The following NBEA variants were observed in gnomAD, a reference collection of about 807,000 sequenced individuals.
NBEA encodes the protein neurobeachin.
Under a neutral mutation model 343.4 loss-of-function variants are expected in NBEA, and 44 were observed. The observed-to-expected ratio is 0.13, with a 90% confidence interval of 0.10 to 0.16. The LOEUF (loss-of-function observed/expected upper bound fraction) is 0.16. Ranked by LOEUF, NBEA falls within the 10% of genes least tolerant of loss-of-function variation. The pLI is 1.00. For missense variants in NBEA, 2,555 were observed against 3,631.3 expected (o/e 0.70, Z 7.62); for synonymous variants, 1,175 against 1,238.7 (o/e 0.95, Z 1.08).
intron 37 of NBEA, among the ~76,000 whole-genome samples, chr13:35,351,900 A>T (rs796619086): frequency 5.3e-5 from 8 of 152,186 alleles, no homozygotes; most frequent in African/African-American, 1.9e-4. Flanking sequence ...TGAAAATTAG[A>T]TTCTCAGAAT....
chr13:35,104,259 T>A (rs1314149513), intron 11 of NBEA, among the ~76,000 whole-genome samples: 1 of 151,958 alleles, frequency 6.6e-6, no homozygotes, highest in Non-Finnish European at 1.5e-5. Flanking sequence ...CCGATCATTC[T>A]AAATAAATTA....
At chr13:35,421,619 GTTCT>G (rs2044276724) in intron 38 of NBEA, among the ~76,000 whole-genome samples, 2 of 152,062 alleles carry the variant, frequency 1.3e-5, no homozygotes, top group African/African-American at 4.8e-5. Flanking sequence ...TGCTTATTGT[GTTCT>G]TTCTTCCTAA....
chr13:35,190,501 A>G (rs1343713548), intron 30 of NBEA, among the ~76,000 whole-genome samples: 1 of 152,150 alleles, frequency 6.6e-6, no homozygotes, highest in Non-Finnish European at 1.5e-5. Context: ...AGGGTGGAAC[A>G]TTTATTGGTT....
chr13:35,182,961 A>C (rs1329302610), intron 29 of NBEA, among the ~76,000 whole-genome samples: 1 of 152,008 alleles, frequency 6.6e-6, no homozygotes, highest in Non-Finnish European at 1.5e-5. Flanking sequence ...TTAGCTGTAT[A>C]CAGTTAATTC....
intron 40 of NBEA, among the ~76,000 whole-genome samples, chr13:35,471,589 T>A (rs1431876148): frequency 6.6e-6 from 1 of 152,226 alleles, no homozygotes; most frequent in African/African-American, 2.4e-5. Flanking sequence ...TCATATTCCA[T>A]ACGCGTAATT....
intron 56 of NBEA, among the ~76,000 whole-genome samples, 192 bp downstream of exon 56, chr13:35,665,378 T>G (rs1411232122): frequency 6.6e-6 from 1 of 152,206 alleles, no homozygotes; most frequent in African/African-American, 2.4e-5. Context: ...TTTTATGTAG[T>G]ATTTTGTGGT....
At chr13:35,125,560 A>T (rs561427585) in intron 17 of NBEA, among the ~76,000 whole-genome samples, 2 of 152,158 alleles carry the variant, frequency 1.3e-5, no homozygotes, top group African/African-American at 4.8e-5. Context: ...TAGAGAAAGG[A>T]AAGTTTGTGG....
chr13:35,502,262 A>G (rs1006458954), intron 41 of NBEA, among the ~76,000 whole-genome samples: 1 of 152,156 alleles, frequency 6.6e-6, no homozygotes, highest in African/African-American at 2.4e-5. Flanking sequence ...TTTTCTTTCC[A>G]AAGAACTGAA....
chr13:35,663,055 A>G (rs2153085881), intron 55 of NBEA, among the ~76,000 whole-genome samples: 1 of 152,336 alleles, frequency 6.6e-6, no homozygotes, highest in East Asian at 1.9e-4. Flanking sequence ...ACAATGTGTA[A>G]TGATCAAATT....
chr13:35,558,568 CT>C (rs370631619), intron 44 of NBEA, among the ~76,000 whole-genome samples: 160 of 152,286 alleles, frequency 1.1e-3, no homozygotes, highest in African/African-American at 3.8e-3. Flanking sequence ...AAAAGTTTCA[CT>C]GTCATTTGTT....
At chr13:35,360,004 A>C (rs987136474) in intron 38 of NBEA, among the ~76,000 whole-genome samples, 1 of 152,034 alleles carries the variant, frequency 6.6e-6, no homozygotes, top group African/African-American at 2.4e-5. Flanking sequence ...TAACAACTGT[A>C]AGGAAGACAT....
intron 30 of NBEA, among the ~76,000 whole-genome samples, chr13:35,194,533 A>C (rs2072440056): frequency 1.3e-5 from 2 of 152,150 alleles, no homozygotes; most frequent in Non-Finnish European, 2.9e-5. Context: ...TGAAACTTTC[A>C]AACTTAAATG....
intron 41 of NBEA, chr13:35,476,831 A>ATTTT: frequency 9.9e-7 from 1 of 1,010,280 alleles, no homozygotes; most frequent in East Asian, 1.0e-4. Context: ...AGGCACACAA[A>ATTTT]CTAAAGGTAG....
intron 34 of NBEA, among the ~76,000 whole-genome samples, chr13:35,287,288 T>C (rs886971336): frequency 1.3e-5 from 2 of 152,020 alleles, no homozygotes; most frequent in Non-Finnish European, 2.9e-5. Context: ...ATATTTTTGT[T>C]GGGGAGGCAC....
At chr13:35,119,705 C>A (rs773371823) in intron 16 of NBEA, among the ~76,000 whole-genome samples, 1 of 152,162 alleles carries the variant, frequency 6.6e-6, no homozygotes, top group Non-Finnish European at 1.5e-5. Flanking sequence ...CCTGCCTCAG[C>A]CTCCTGAGTA....
intron 35 of NBEA, among the ~76,000 whole-genome samples, chr13:35,307,475 T>C (rs2036971638): frequency 1.3e-5 from 2 of 152,062 alleles, no homozygotes; most frequent in Admixed American, 1.3e-4. Context: ...GCAGATTCCA[T>C]ATAATTTTAG....
chr13:35,049,544 T>C (rs1361140839), intron 5 of NBEA, among the ~76,000 whole-genome samples: 6 of 151,846 alleles, frequency 4.0e-5, no homozygotes, highest in Non-Finnish European at 7.4e-5. Context: ...TTCTAAGCTC[T>C]ATTATAAAAT....
chr13:35,187,990 C>T (rs1410241897), intron 30 of NBEA, among the ~76,000 whole-genome samples: 1 of 152,012 alleles, frequency 6.6e-6, no homozygotes, highest in Non-Finnish European at 1.5e-5. Flanking sequence ...TCACCTCCTC[C>T]GAGAGGCCTT....
chr13:35,007,695 G>C (rs1461106770), intron 1 of NBEA, among the ~76,000 whole-genome samples: 1 of 152,106 alleles, frequency 6.6e-6, no homozygotes, highest in East Asian at 1.9e-4. Context: ...GCTTTACCCT[G>C]TTGCCCAGGC....
Sources: gnomAD v4.1 joint callset for allele counts (sites outside exome capture counted in the v4.1 genomes callset) on GRCh38, gnomAD v4.1.1 for gene constraint, MANE v1.5 for transcripts, NCBI Gene and HGNC (gene_info 2026-07-23, HGNC 2026-07-21) for gene names.